The following RASGRF1 variants were observed in gnomAD, a reference collection of about 807,000 sequenced individuals.
RASGRF1 encodes Ras protein specific guanine nucleotide releasing factor 1, also known as ras-specific guanine nucleotide-releasing factor 1.
In RASGRF1, 40 loss-of-function variants were observed where a neutral mutation model predicts 138.7. The ratio of observed to expected loss-of-function variants is 0.29; its 90% CI spans 0.22 to 0.38. The LOEUF is 0.38. Ranked by LOEUF, RASGRF1 falls within the 10% of genes least tolerant of loss-of-function variation. RASGRF1 has a pLI of 1.00. For synonymous variants in RASGRF1, 614 were observed against 663.2 expected, an observed-to-expected ratio of 0.93 and a Z score of 1.14; for missense variants, 1,108 against 1,650.4, an observed-to-expected ratio of 0.67 and a Z score of 5.69.
chr15:78,980,353 C>T (rs2055995769), intron 24 of RASGRF1: 1 of 322,782 alleles, frequency 3.1e-6, no homozygotes, highest in Non-Finnish European at 5.7e-6. Context: ...GGCACCACTA[C>T]TATTATCATC....
rs758415767 is a variant in RASGRF1 at position 79,072,267 on chromosome 15, CTTTTTT to C, written c.277-7747_277-7742del. On this transcript the variant is annotated intron_variant, in intron 1 of 26. Transcript: ENST00000558480. ...TTTCTGGGAGTTCTTGATAAACAAT[CTTTTTT>C]TTTTTTTTTTTTTTTTTTTTGAGAC... Among the ~76,000 whole-genome samples the C allele has an allele frequency of 8.1e-3, 500 of 61,556 alleles. 3 individuals are homozygous for C. Among genetic ancestry groups the C allele is most frequent in the Middle Eastern group, 0.019 (1 of 52 alleles). 40.4% of individuals were successfully genotyped at this position (61,556 alleles called of 152,430 possible). A position where few individuals can be genotyped will look rare whatever the true frequency, so the allele number is the denominator to read the frequency against.
At chr15:78,976,515 A>G (rs118135174) in intron 24 of RASGRF1, among the ~76,000 whole-genome samples, 2,140 of 152,196 alleles carry the variant, frequency 0.014, 28 homozygotes, top group Middle Eastern at 0.024. Context: ...AGCTTGCTCT[A>G]TAGTGAGGGG....
chr15:79,035,366 C>T (rs761970348), intron 5 of RASGRF1, among the ~76,000 whole-genome samples, 156 bp from the exon 6 acceptor site: 1 of 152,242 alleles, frequency 6.6e-6, no homozygotes, highest in Non-Finnish European at 1.5e-5. Flanking sequence ...ATCATATAAT[C>T]TGGGGGTGCC....
intron 8 of RASGRF1, among the ~76,000 whole-genome samples, chr15:79,030,775 TGAACCTCTTCCTG>T (rs1264116960): frequency 4.6e-5 from 7 of 152,244 alleles, no homozygotes; most frequent in South Asian, 2.1e-4. Context: ...ATCCAGGACC[TGAACCTCTTCCTG>T]GAACCTCTTC....
intron 2 of RASGRF1, among the ~76,000 whole-genome samples, chr15:79,059,372 T>TCCTTC (rs370008646): frequency 0.047 from 1,807 of 38,404 alleles, 180 homozygotes; most frequent in Admixed American, 0.066. Flanking sequence ...CCCTTCCCAA[T>TCCTTC]CCTTCCCTTC....
chr15:79,050,643 G>C lies in RASGRF1; in HGVS notation c.532-1055C>G, dbSNP rs1188471272. On this transcript the variant is annotated intron_variant, in intron 3 of 26. Coordinates refer to ENST00000558480, the MANE Select transcript of RASGRF1 (RefSeq NM_001145648.3). This position sits in a 1 kb window ranked among gnomAD's most constrained non-coding sequence, Gnocchi z 4.1. ...AACATCTCCATTTGCATAATTTGGG[G>C]ATCACAGATGTCGACATAGCTGCAA... is the stretch of plus-strand genomic sequence containing the variant. 6.6e-6 allele frequency among the ~76,000 whole-genome samples: 1 copy of C among 152,168 alleles called. No homozygotes were observed. The highest frequency in any genetic ancestry group is 1.5e-5 in the Non-Finnish European group (1 of 68,028).
intron 26 of RASGRF1, among the ~76,000 whole-genome samples, chr15:78,967,734 T>C (rs934966190): frequency 2.6e-5 from 4 of 152,338 alleles, no homozygotes; most frequent in Non-Finnish European, 5.9e-5. Context: ...TCCGGCCAAC[T>C]TTTTATTTAA....
intron 20 of RASGRF1, among the ~76,000 whole-genome samples, chr15:78,992,033 G>A (rs1024691980): frequency 1.3e-5 from 2 of 152,162 alleles, no homozygotes; most frequent in African/African-American, 2.4e-5. Flanking sequence ...CCCAGTGCTC[G>A]GACTGCCCTC....
intron 1 of RASGRF1, among the ~76,000 whole-genome samples, chr15:79,072,323 T>C (rs112185010): frequency 0.024 from 3,111 of 129,100 alleles, 135 homozygotes; most frequent in African/African-American, 0.082. Context: ...TTGCCCAGGC[T>C]GGAGTGCAGT....
intron 26 of RASGRF1, among the ~76,000 whole-genome samples, chr15:78,968,913 A>G (rs892309127): frequency 2.6e-5 from 4 of 152,190 alleles, no homozygotes; most frequent in African/African-American, 4.8e-5. Context: ...CCGGACTTTA[A>G]TAAAAACCTG....
At chr15:79,008,591 A>G (rs559245084) in intron 13 of RASGRF1, among the ~76,000 whole-genome samples, 1 of 152,332 alleles carries the variant, frequency 6.6e-6, no homozygotes, top group East Asian at 1.9e-4. Context: ...CAAGAGTGCT[A>G]AATTGAAGGC....
chr15:79,031,917 G>C lies in RASGRF1; in HGVS notation c.1152+206C>G, dbSNP rs572018738. 4.1e-4 allele frequency among the ~76,000 whole-genome samples: 63 copies of C among 152,202 alleles called. No homozygotes were observed. In the South Asian group the frequency reaches 0.013, roughly 32 times the overall value. ...GCTGAGGGTGGGGTGGGGTGCTCAGGAGCCAGGAGAGAAAGGTGGCGTGGA... is the reference window on the plus strand; with the variant it reads ...GCTGAGGGTGGGGTGGGGTGCTCAGCAGCCAGGAGAGAAAGGTGGCGTGGA... On this transcript the variant is annotated intron_variant, in intron 7 of 26. Coordinates refer to ENST00000558480, the MANE Select transcript of RASGRF1 (RefSeq NM_001145648.3).
chr15:79,062,214 A>AATAC, intron 2 of RASGRF1, among the ~76,000 whole-genome samples: 1 of 152,210 alleles, frequency 6.6e-6, no homozygotes, highest in Non-Finnish European at 1.5e-5. Context: ...ATACTTCTAC[A>AATAC]TTTACAAAGC....
At position 79,032,752 on chromosome 15, in the gene RASGRF1, G is replaced by A. The variant is rs1440710050; in HGVS notation, c.959-436C>T. Among the ~76,000 whole-genome samples, 1 of 152,208 alleles carries A rather than the reference G, an allele frequency of 6.6e-6. No homozygotes were observed. The highest frequency in any genetic ancestry group is 2.4e-5 in the African/African-American group (1 of 41,450). On this transcript the variant is annotated intron_variant, in intron 6 of 26. Coordinates refer to ENST00000558480, the MANE Select transcript of RASGRF1 (RefSeq NM_001145648.3). This position sits in a 1 kb window ranked among gnomAD's most constrained non-coding sequence, Gnocchi z 4.5. ...CCTCCTGCTTCAATTCAGGACACCA[G>A]TGTGAGGTCACCCCTTCTCCAGAGC...
rs1161289818 is a variant in RASGRF1, at chr15:78,984,992, G to A, written c.3414+15C>T. 2 of 1,612,306 alleles carry A rather than the reference G, an allele frequency of 1.2e-6. No individual in the cohort carries two copies. The highest frequency in any genetic ancestry group is 2.7e-5 in the African/African-American group (2 of 74,900). On this transcript the variant is annotated intron_variant, in intron 23 of 26. Transcript: ENST00000558480. ...CAGCCCCAGGGAGGCAGTGGTGCCA[G>A]CCTCCTGCCCGCACCTGCTTAGAGA...
At chr15:78,984,262 G>T (rs1012752641) in intron 23 of RASGRF1, among the ~76,000 whole-genome samples, 1 of 152,162 alleles carries the variant, frequency 6.6e-6, no homozygotes, top group Non-Finnish European at 1.5e-5. Context: ...TCTACTGGGG[G>T]TGCTTGTCTG....
At chr15:78,962,915 T>C (rs544511444) in intron 26 of RASGRF1, among the ~76,000 whole-genome samples, 1 of 152,248 alleles carries the variant, frequency 6.6e-6, no homozygotes, top group Admixed American at 6.5e-5. Context: ...TATAATAAAA[T>C]GTTGGGACAA....
chr15:79,077,196 T>C (rs142133031), intron 1 of RASGRF1, among the ~76,000 whole-genome samples: 3 of 152,268 alleles, frequency 2.0e-5, no homozygotes, highest in Middle Eastern at 3.4e-3. Flanking sequence ...GGAGTCCATT[T>C]TGGGGCCCTG....
chr15:79,018,494 T>C (rs1428553541), intron 11 of RASGRF1, among the ~76,000 whole-genome samples: 1 of 152,246 alleles, frequency 6.6e-6, no homozygotes, highest in Non-Finnish European at 1.5e-5. Context: ...CAAGATTCTT[T>C]TCAATGCACT....
Sources: allele counts gnomAD v4.1 joint callset (sites outside exome capture counted in the v4.1 genomes callset), GRCh38; gene constraint gnomAD v4.1.1; non-coding constraint Gnocchi (gnomAD v3.1); transcripts MANE v1.5; gene names NCBI Gene and HGNC (gene_info 2026-07-23, HGNC 2026-07-21).